GPC5: variants seen among roughly 807,000 people sequenced by gnomAD.
The protein encoded by GPC5 is glypican 5, also known as glypican-5.
GPC5 carries 47 observed loss-of-function variants against 53.9 expected under a neutral mutation model. The ratio of observed to expected loss-of-function variants is 0.87; its 90% CI spans 0.69 to 1.11. The LOEUF is 1.11. Among genes scored for constraint, GPC5 ranks in the 50% most tolerant of loss-of-function variants. The pLI is 0.00. For missense variants in GPC5, 748 were observed against 713.1 expected (o/e 1.05, Z -0.56); for synonymous variants, 286 against 263.3 (o/e 1.09, Z -0.84).
At chr13:91,918,253 A>G (rs1483971552) in intron 6 of GPC5, among the ~76,000 whole-genome samples, 3 of 152,134 alleles carry the variant, frequency 2.0e-5, no homozygotes, top group Non-Finnish European at 4.4e-5. Flanking sequence ...CCATGATTCA[A>G]TTACTTCTTC....
At chr13:92,529,274 A>G (rs753827781) in intron 7 of GPC5, among the ~76,000 whole-genome samples, 2 of 152,180 alleles carry the variant, frequency 1.3e-5, no homozygotes, top group Non-Finnish European at 2.9e-5. Context: ...TCAATATGGC[A>G]ATTAGGATGA....
chr13:91,662,166 A>G (rs557870579), intron 2 of GPC5, among the ~76,000 whole-genome samples: 6 of 152,292 alleles, frequency 3.9e-5, no homozygotes, highest in African/African-American at 1.2e-4. Context: ...AGAAGGATGG[A>G]GGAAGAGAAG....
At chr13:92,399,273 C>G (rs1566574272) in intron 7 of GPC5, among the ~76,000 whole-genome samples, 1 of 152,112 alleles carries the variant, frequency 6.6e-6, no homozygotes, top group African/African-American at 2.4e-5. Context: ...AATATAGACC[C>G]TTAAAATAAT....
Position 91,612,254 on chromosome 13 carries a change from G to A in GPC5, c.326-80933G>A, listed in dbSNP as rs115556542. On this transcript the variant is annotated intron_variant, in intron 2 of 7. Transcript: ENST00000377067. ...AATATGAAGAATAAATTATACTTCT[G>A]TAGCCCTCACTAATCTCTTATATAT... Among the ~76,000 whole-genome samples the A allele has an allele frequency of 3.7e-3, 569 of 152,256 alleles. 5 individuals carry two copies. The highest frequency in any genetic ancestry group is 0.013 in the African/African-American group (539 of 41,548).
At chr13:91,665,697 G>T (rs1351152337) in intron 2 of GPC5, among the ~76,000 whole-genome samples, 1 of 152,050 alleles carries the variant, frequency 6.6e-6, no homozygotes, top group East Asian at 1.9e-4. Context: ...AGTAGAGATG[G>T]GGTTTCACCG....
intron 7 of GPC5, among the ~76,000 whole-genome samples, chr13:92,658,491 T>A (rs1031790805): frequency 3.3e-5 from 5 of 152,204 alleles, no homozygotes; most frequent in Non-Finnish European, 7.3e-5. Flanking sequence ...ACGTTTTGCC[T>A]CCCGTGTTTC....
At chr13:91,815,518 G>A (rs752911852) in intron 5 of GPC5, among the ~76,000 whole-genome samples, 1 of 152,164 alleles carries the variant, frequency 6.6e-6, no homozygotes, top group Non-Finnish European at 1.5e-5. Flanking sequence ...TATAGACGCT[G>A]TGATAGTCAG....
In GPC5 at chr13:92,152,351, C is replaced by T. The variant is rs73620834; in HGVS notation, c.1561+7362C>T. On this transcript the variant is annotated intron_variant, in intron 7 of 7. Transcript: ENST00000377067. ...GTTCTGTGCCTAGATTTCCTTAAGA[C>T]CTGAATAAAAGCAGGACTCTTCAAG... 7.5e-3 allele frequency among the ~76,000 whole-genome samples: 1,135 copies of T among 152,214 alleles called. 25 individuals carry two copies. The highest frequency in any genetic ancestry group is 0.025 in the African/African-American group (1,043 of 41,530).
chr13:91,889,859 T>C (rs1337138012), intron 5 of GPC5, among the ~76,000 whole-genome samples: 1 of 152,166 alleles, frequency 6.6e-6, no homozygotes, highest in African/African-American at 2.4e-5. Flanking sequence ...AATTCATACT[T>C]AATTACAACA....
chr13:92,542,962 T>C (rs1881977735), intron 7 of GPC5, among the ~76,000 whole-genome samples: 1 of 152,022 alleles, frequency 6.6e-6, no homozygotes, highest in Admixed American at 6.6e-5. Context: ...GATAAGACCT[T>C]TTTGGATTGA....
chr13:92,832,274 T>A (rs1247647423), intron 7 of GPC5, among the ~76,000 whole-genome samples: 2 of 152,184 alleles, frequency 1.3e-5, no homozygotes, highest in Non-Finnish European at 2.9e-5. Context: ...AAGATCAACA[T>A]GGCATTTGTC....
chr13:91,507,194 A>C (rs993514550), intron 2 of GPC5, among the ~76,000 whole-genome samples: 1 of 152,080 alleles, frequency 6.6e-6, no homozygotes, highest in Non-Finnish European at 1.5e-5. Context: ...GTGTACGGTA[A>C]GGGCCTAGTT....
At chr13:91,570,747 G>A (rs968335866) in intron 2 of GPC5, among the ~76,000 whole-genome samples, 4 of 152,182 alleles carry the variant, frequency 2.6e-5, no homozygotes, top group South Asian at 2.1e-4. Flanking sequence ...TAGAGCCATC[G>A]GTGATTTCCA....
chr13:91,735,279 A>G (rs1270696261), intron 4 of GPC5, among the ~76,000 whole-genome samples: 3 of 151,148 alleles, frequency 2.0e-5, no homozygotes, highest in African/African-American at 4.9e-5. Flanking sequence ...GTAAGTTTCC[A>G]AGTCAAATTT....
At chr13:92,635,467 G>A (rs1376596423) in intron 7 of GPC5, among the ~76,000 whole-genome samples, 3 of 152,154 alleles carry the variant, frequency 2.0e-5, no homozygotes, top group Non-Finnish European at 4.4e-5. Flanking sequence ...GAAAGGGCAA[G>A]AGAGTGTGTT....
rs2042459284 is a variant in GPC5, at chr13:92,222,852, A to G, written c.1561+77863A>G. On this transcript the variant is annotated intron_variant, in intron 7 of 7. Coordinates refer to ENST00000377067, the MANE Select transcript of GPC5 (RefSeq NM_004466.6). ...TAACATTTAGCATTTTTATGACAAA[A>G]TTAGCATGTATTCATTCAACAAATA... Among the ~76,000 whole-genome samples the G allele has an allele frequency of 2.6e-5, 4 of 152,210 alleles. No homozygotes were observed. In the South Asian group the frequency reaches 8.3e-4, roughly 32 times the overall value.
At chr13:92,708,963 A>G (rs1346792752) in intron 7 of GPC5, among the ~76,000 whole-genome samples, 1 of 128,862 alleles carries the variant, frequency 7.8e-6, no homozygotes, top group Non-Finnish European at 1.5e-5. Context: ...GCTCACTGCA[A>G]CCTCCACCTA....
intron 7 of GPC5, among the ~76,000 whole-genome samples, chr13:92,298,212 G>A (rs928600307): frequency 2.0e-5 from 3 of 152,144 alleles, no homozygotes; most frequent in East Asian, 3.9e-4. Context: ...CAGGCAGTGG[G>A]GGAGCAGGGC....
intron 6 of GPC5, among the ~76,000 whole-genome samples, chr13:92,015,300 A>G (rs186698437): frequency 2.8e-4 from 42 of 152,280 alleles, no homozygotes; most frequent in Non-Finnish European, 4.9e-4. Context: ...GAAAACACTG[A>G]ACACCAGTGA....
Sources: gnomAD v4.1 joint callset for allele counts (sites outside exome capture counted in the v4.1 genomes callset) on GRCh38, gnomAD v4.1.1 for gene constraint, MANE v1.5 for transcripts, NCBI Gene and HGNC (gene_info 2026-07-23, HGNC 2026-07-21) for gene names.